The following PDE9A variants were observed in gnomAD, a reference collection of about 807,000 sequenced individuals.
The protein encoded by PDE9A is high affinity cGMP-specific 3',5'-cyclic phosphodiesterase 9A.
In PDE9A, 60 loss-of-function variants were observed where a neutral mutation model predicts 87.4. The observed-to-expected ratio is 0.69, with a 90% CI of 0.56 to 0.85. The LOEUF (loss-of-function observed/expected upper bound fraction) is 0.85. Among genes scored for constraint, PDE9A ranks in the 40% least tolerant of loss-of-function variants. The pLI is 0.00. For missense variants in PDE9A, 665 were observed against 779.0 expected, an observed-to-expected ratio of 0.85 and a Z score of 1.74; for synonymous variants, 272 against 279.4, an observed-to-expected ratio of 0.97 and a Z score of 0.27.
At chr21:42,727,515 T>TTTTTTTTA (rs2051268585) in intron 4 of PDE9A, among the ~76,000 whole-genome samples, 1 of 142,984 alleles carries the variant, frequency 7.0e-6, no homozygotes, top group South Asian at 2.2e-4. Flanking sequence ...TTTTTTTTTG[T>TTTTTTTTA]AGAGATGGAG....
At chr21:42,729,323 G>T (rs1364377865) in intron 4 of PDE9A, among the ~76,000 whole-genome samples, 2 of 152,070 alleles carry the variant, frequency 1.3e-5, no homozygotes, top group African/African-American at 4.8e-5. Context: ...ATGTCTGCAG[G>T]GTCTGTAGTG....
chr21:42,668,783 C>A (rs2058186207), intron 1 of PDE9A, among the ~76,000 whole-genome samples: 1 of 152,152 alleles, frequency 6.6e-6, no homozygotes, highest in African/African-American at 2.4e-5. Context: ...TCAGGCCAGG[C>A]AGCTCTGAGC....
chr21:42,730,085 T>C (rs2051561587), intron 4 of PDE9A, among the ~76,000 whole-genome samples: 1 of 152,222 alleles, frequency 6.6e-6, no homozygotes, highest in Non-Finnish European at 1.5e-5. Context: ...TACGCTACCT[T>C]TTCCAGACAA....
At chr21:42,713,509 T>C (rs1325544937) in intron 4 of PDE9A, among the ~76,000 whole-genome samples, 3 of 152,224 alleles carry the variant, frequency 2.0e-5, no homozygotes, top group Non-Finnish European at 4.4e-5. Flanking sequence ...AATGGGATAT[T>C]GATTTGTAAT....
intron 8 of PDE9A, among the ~76,000 whole-genome samples, chr21:42,750,836 C>T (rs953477894): frequency 2.6e-5 from 4 of 151,814 alleles, no homozygotes; most frequent in Non-Finnish European, 5.9e-5. Context: ...CATCCCGCCT[C>T]GACTTCCCAA....
intron 1 of PDE9A, among the ~76,000 whole-genome samples, chr21:42,685,854 G>A (rs994333069): frequency 6.6e-6 from 1 of 152,152 alleles, no homozygotes; most frequent in Admixed American, 6.5e-5. Flanking sequence ...AAGACCCGGT[G>A]CCAAGCGACA....
At chr21:42,763,704 C>G (rs1159047710) in intron 14 of PDE9A, among the ~76,000 whole-genome samples, 2 of 152,174 alleles carry the variant, frequency 1.3e-5, no homozygotes, top group African/African-American at 4.8e-5. Context: ...CTCAGCCATT[C>G]GAAGTCTAAG....
chr21:42,727,556 AC>A (rs1416331087), intron 4 of PDE9A, among the ~76,000 whole-genome samples: 1 of 134,256 alleles, frequency 7.4e-6, no homozygotes, highest in Non-Finnish European at 1.5e-5. Flanking sequence ...CTGGTCTCAA[AC>A]TCCTGGGCTC....
chr21:42,748,192 A>T (rs1379013344), intron 8 of PDE9A, among the ~76,000 whole-genome samples: 1 of 152,272 alleles, frequency 6.6e-6, no homozygotes, highest in Admixed American at 6.5e-5. Flanking sequence ...AAAGCAGCGA[A>T]GAAATCATCA....
chr21:42,671,658 T>A (rs541975577), intron 1 of PDE9A, among the ~76,000 whole-genome samples: 1 of 152,316 alleles, frequency 6.6e-6, no homozygotes, highest in East Asian at 1.9e-4. Flanking sequence ...TTGATATAGA[T>A]TGATTGACAG....
At chr21:42,732,183 G>A (rs1446452627) in intron 6 of PDE9A, 59 bp downstream of exon 6, 18 of 1,507,848 alleles carry the variant, frequency 1.2e-5, no homozygotes, top group South Asian at 6.8e-5. Flanking sequence ...CTCTAAGAGC[G>A]AGGGCAGGCC....
chr21:42,673,041 C>CA (rs1420678619), intron 1 of PDE9A, among the ~76,000 whole-genome samples: 1 of 152,198 alleles, frequency 6.6e-6, no homozygotes, highest in African/African-American at 2.4e-5. Flanking sequence ...CTCCTGTAAT[C>CA]ACGGCTGCCA....
At position 42,722,497 on chromosome 21, in the gene PDE9A, C is replaced by A. The variant is rs933938273; in HGVS notation, c.263-9273C>A. Among the ~76,000 whole-genome samples, 1 of 152,210 alleles carries A rather than the reference C, an allele frequency of 6.6e-6. No homozygotes were observed. The highest frequency in any genetic ancestry group is 2.4e-5 in the African/African-American group (1 of 41,450). On this transcript the variant is annotated intron_variant, in intron 4 of 19. Transcript: ENST00000291539. This position sits in a 1 kb window ranked among gnomAD's most constrained non-coding sequence, Gnocchi z 4.1. ...CGTGCATGAGCTCCCAGGCCACACA[C>A]ACACGCCCTTGTGATGTATTATTCC...
At chr21:42,743,713 C>G (rs1455815802) in intron 7 of PDE9A, 63 bp from the exon 8 acceptor site, 1 of 1,069,514 alleles carries the variant, frequency 9.4e-7, no homozygotes, top group South Asian at 1.4e-5. Flanking sequence ...TAGTTACCAG[C>G]CTTGAGAGAT....
intron 8 of PDE9A, among the ~76,000 whole-genome samples, chr21:42,747,741 A>G (rs1448133855): frequency 7.0e-6 from 1 of 143,110 alleles, no homozygotes; most frequent in African/African-American, 3.0e-5. Context: ...GGCAGAGAGC[A>G]GAGCATGGAA....
At chr21:42,725,667 A>G (rs2284965) in intron 4 of PDE9A, among the ~76,000 whole-genome samples, 44,720 of 152,042 alleles carry the variant, frequency 0.29, 6,863 homozygotes, top group East Asian at 0.4. Context: ...GTTGTCGCCT[A>G]TATCCGTGGT....
At position 42,704,514 on chromosome 21, in the gene PDE9A, G is replaced by A. The variant is rs1445683573; in HGVS notation, c.262+5503G>A. On this transcript the variant is annotated intron_variant, in intron 4 of 19. Transcript: ENST00000291539. The surrounding 1 kb of genome is among the most constrained non-coding windows in gnomAD (Gnocchi z 5.3). ...TTTACAGAACATTTTTTCCATTTGGGGTTTGTCCTTAGGAATTCTTCACTC... is the reference window on the plus strand; with the variant it reads ...TTTACAGAACATTTTTTCCATTTGGAGTTTGTCCTTAGGAATTCTTCACTC... 1.3e-5 allele frequency among the ~76,000 whole-genome samples: 2 copies of A among 150,928 alleles called. No homozygotes were observed. Among genetic ancestry groups the A allele is most frequent in the African/African-American group, 4.9e-5 (2 of 40,876 alleles).
intron 1 of PDE9A, among the ~76,000 whole-genome samples, chr21:42,662,923 TCACACA>T: frequency 8.6e-6 from 1 of 115,660 alleles, no homozygotes; most frequent in South Asian, 2.9e-4. Context: ...CACATGCACA[TCACACA>T]CATGCACACC....
chr21:42,655,094 G>C (rs1344700441), intron 1 of PDE9A, among the ~76,000 whole-genome samples: 1 of 151,928 alleles, frequency 6.6e-6, no homozygotes, highest in Non-Finnish European at 1.5e-5. Flanking sequence ...CACTGCACCA[G>C]CATGCACACT....
Sources: gnomAD v4.1 joint callset for allele counts (sites outside exome capture counted in the v4.1 genomes callset) on GRCh38, gnomAD v4.1.1 for gene constraint, Gnocchi (gnomAD v3.1) non-coding constraint, MANE v1.5 for transcripts, NCBI Gene and HGNC (gene_info 2026-07-23, HGNC 2026-07-21) for gene names.